The following CPVL variants were observed in gnomAD, a reference collection of about 807,000 sequenced individuals.
CPVL encodes the protein carboxypeptidase vitellogenic like.
A neutral mutation model predicts 63.7 loss-of-function variants in CPVL; 51 were observed. The ratio of observed to expected loss-of-function variants is 0.80; its 90% CI spans 0.64 to 1.01. The LOEUF (loss-of-function observed/expected upper bound fraction) is 1.01. CPVL is among the 50% of genes least tolerant of loss of function. The pLI, the probability that CPVL is intolerant of heterozygous loss-of-function variation, is 0.00. For synonymous variants in CPVL, 195 were observed against 206.0 expected, an observed-to-expected ratio of 0.95 and a Z score of 0.46; for missense variants, 530 against 573.1, an observed-to-expected ratio of 0.92 and a Z score of 0.77.
chr7:29,174,626 C>T (rs890204032), intron 5 of CPVL, among the ~76,000 whole-genome samples: 1 of 152,080 alleles, frequency 6.6e-6, no homozygotes, highest in Non-Finnish European at 1.5e-5. Context: ...TTTGGGAGGC[C>T]GACTTGGGCG....
chr7:29,155,342 G>A (rs1794214357), intron 5 of CPVL, among the ~76,000 whole-genome samples: 1 of 152,030 alleles, frequency 6.6e-6, no homozygotes, highest in African/African-American at 2.4e-5. Context: ...ATGCTAAGAG[G>A]AAAGACAAGG....
At chr7:29,032,299 A>G (rs1490566132) in intron 11 of CPVL, among the ~76,000 whole-genome samples, 1 of 152,138 alleles carries the variant, frequency 6.6e-6, no homozygotes, top group East Asian at 1.9e-4. Context: ...AGTCAGACTA[A>G]GATGAAAGAG....
At chr7:29,058,336 A>G (rs1790946143) in intron 11 of CPVL, among the ~76,000 whole-genome samples, 1 of 152,154 alleles carries the variant, frequency 6.6e-6, no homozygotes. Context: ...TTGGGAGTAC[A>G]TAGGAAAGTG....
intron 3 of CPVL, 141 bp from the exon 4 acceptor site, chr7:29,096,358 C>A: frequency 1.5e-6 from 1 of 658,686 alleles, no homozygotes; most frequent in Non-Finnish European, 2.7e-6. Context: ...CCTCAGTAAC[C>A]ACTCTCCACT....
intron 11 of CPVL, among the ~76,000 whole-genome samples, chr7:29,047,599 AG>A (rs2128170454): frequency 6.6e-6 from 1 of 152,336 alleles, no homozygotes; most frequent in Non-Finnish European, 1.5e-5. Flanking sequence ...CAAATCGAAA[AG>A]TTTGGAAAAG....
At chr7:29,111,261 A>C (rs959747879) in intron 3 of CPVL, among the ~76,000 whole-genome samples, 1 of 152,236 alleles carries the variant, frequency 6.6e-6, no homozygotes, top group South Asian at 2.1e-4. Context: ...AAAGGCATAA[A>C]GTTTAAGAGA....
chr7:29,040,072 A>G (rs1788922430), intron 11 of CPVL, among the ~76,000 whole-genome samples: 1 of 146,388 alleles, frequency 6.8e-6, no homozygotes, highest in Non-Finnish European at 1.5e-5. Context: ...CTGTTCACTA[A>G]TCCAAAAAAA....
chr7:29,042,412 G>T (rs912358160), intron 11 of CPVL, among the ~76,000 whole-genome samples: 1 of 152,112 alleles, frequency 6.6e-6, no homozygotes, highest in African/African-American at 2.4e-5. Flanking sequence ...AGACCAGTCT[G>T]GGCAACACAG....
rs184193589 is a variant in CPVL, at chr7:29,048,940, C to T, written c.1137+15121G>A. The stretch of plus-strand genomic sequence containing the variant: ...CATTGGGTCAAAAATGAAATCAAGA[C>T]GGAAATTTAAAAGTTCTTCAAGCTG... On this transcript the variant is annotated intron_variant, in intron 11 of 12. Coordinates refer to ENST00000265394, the MANE Select transcript of CPVL (RefSeq NM_031311.5). Among the ~76,000 whole-genome samples, 653 of 151,650 alleles carry T rather than the reference C, an allele frequency of 4.3e-3. 6 individuals are homozygous for T. Among genetic ancestry groups the T allele is most frequent in the South Asian group, 9.2e-3 (44 of 4,804 alleles).
chr7:29,062,282 G>A (rs1419161023), intron 11 of CPVL, among the ~76,000 whole-genome samples: 5 of 152,094 alleles, frequency 3.3e-5, no homozygotes, highest in African/African-American at 9.7e-5. Flanking sequence ...TACACCTATG[G>A]GGGTAAAGAC....
chr7:29,001,199 T>C (rs1476938804), intron 12 of CPVL: 3 of 152,170 alleles, frequency 2.0e-5, no homozygotes, highest in Non-Finnish European at 4.4e-5. Flanking sequence ...ATCCTCCCCA[T>C]TTCAGGCTTC....
chr7:29,060,671 G>A (rs1370313974), intron 11 of CPVL, among the ~76,000 whole-genome samples: 1 of 152,146 alleles, frequency 6.6e-6, no homozygotes, highest in Admixed American at 6.5e-5. Flanking sequence ...TTACAGAGAA[G>A]CTAATTTTTA....
intron 11 of CPVL, 91 bp from the exon 12 acceptor site, chr7:29,030,850 G>GA (rs1787958437): frequency 9.5e-7 from 1 of 1,050,082 alleles, no homozygotes; most frequent in Non-Finnish European, 1.4e-6. Context: ...CAGTGAGAGA[G>GA]AAAAAGAGAC....
intron 3 of CPVL, among the ~76,000 whole-genome samples, chr7:29,102,999 T>C (rs1787315591): frequency 6.6e-6 from 1 of 152,074 alleles, no homozygotes. Context: ...TGCCCTATTG[T>C]TCCCCAGATT....
intron 12 of CPVL, among the ~76,000 whole-genome samples, chr7:29,014,493 G>A (rs1215765372): frequency 6.6e-6 from 1 of 151,314 alleles, no homozygotes; most frequent in Non-Finnish European, 1.5e-5. Flanking sequence ...CACCACACCT[G>A]GTTAATTCTT....
At chr7:29,094,584 C>A (rs1289325845) in intron 5 of CPVL, among the ~76,000 whole-genome samples, 1 of 152,098 alleles carries the variant, frequency 6.6e-6, no homozygotes, top group African/African-American at 2.4e-5. Context: ...TGGTGGCTCA[C>A]ACCTGTAATC....
chr7:29,003,154 GCACACA>G (rs535400256), intron 12 of CPVL, among the ~76,000 whole-genome samples: 441 of 123,786 alleles, frequency 3.6e-3, no homozygotes, highest in African/African-American at 0.012. Flanking sequence ...ATGTGTATGT[GCACACA>G]CACACACACA....
upstream of CPVL, among the ~76,000 whole-genome samples, chr7:29,150,034 G>A (rs1006239582): frequency 4.6e-5 from 7 of 152,122 alleles, no homozygotes; most frequent in Non-Finnish European, 1.0e-4. Flanking sequence ...CCAACAAATC[G>A]GTTTGCAAAG....
intron 1 of CPVL, among the ~76,000 whole-genome samples, chr7:29,142,528 C>CTTTT (rs10663904): frequency 0.4 from 50,984 of 127,452 alleles, 11,571 homozygotes; most frequent in Middle Eastern, 0.45. Flanking sequence ...CTTCCAGATA[C>CTTTT]TTTTTTTTTT....
Sources: gnomAD v4.1 joint callset for allele counts (sites outside exome capture counted in the v4.1 genomes callset) on GRCh38, gnomAD v4.1.1 for gene constraint, MANE v1.5 for transcripts, NCBI Gene and HGNC (gene_info 2026-07-23, HGNC 2026-07-21) for gene names.